NECAP2: variants seen among roughly 807,000 people sequenced by gnomAD.
NECAP2 encodes the protein NECAP endocytosis associated 2.
NECAP2 carries 38 observed loss-of-function variants against 37.8 expected under a neutral mutation model. That is an observed-to-expected ratio of 1.01 (90% CI 0.78 to 1.32). NECAP2 has a LOEUF of 1.32. Among genes scored for constraint, NECAP2 ranks in the 40% most tolerant of loss-of-function variants. The pLI, the probability that NECAP2 is intolerant of heterozygous loss-of-function variation, is 0.00. For missense variants in NECAP2, 316 were observed against 334.5 expected, an observed-to-expected ratio of 0.94 and a Z score of 0.43; for synonymous variants, 121 against 127.7, an observed-to-expected ratio of 0.95 and a Z score of 0.35.
chr1:16,456,840 T>TACAGGTGCAC lies in NECAP2; in HGVS notation c.743+949_743+958dup, dbSNP rs570653281. Among the ~76,000 whole-genome samples, 217 of 152,320 alleles carry TACAGGTGCAC rather than the reference T, an allele frequency of 1.4e-3. 7 individuals carry two copies. In the East Asian group the frequency reaches 0.038, roughly 27 times the overall value. Reference sequence around the variant, plus strand: ...CCACATTCTCCCATGTTGCTGGCTCTACAGGTGCACATCACCATGCCAGCT... The same window carrying TACAGGTGCAC: ...CCACATTCTCCCATGTTGCTGGCTCTACAGGTGCACACAGGTGCACATCACCATGCCAGCT... On this transcript the variant is annotated intron_variant, in intron 7 of 7. Coordinates refer to ENST00000337132, the MANE Select transcript of NECAP2 (RefSeq NM_018090.5).
chr1:16,453,787 T>C (rs912395677), intron 6 of NECAP2, among the ~76,000 whole-genome samples: 3 of 151,978 alleles, frequency 2.0e-5, no homozygotes, highest in African/African-American at 7.2e-5. Context: ...GTGCCTGGCC[T>C]TGCTGATGCA....
intron 7 of NECAP2, among the ~76,000 whole-genome samples, chr1:16,456,861 C>A (rs1023301410): frequency 5.3e-5 from 8 of 151,984 alleles, no homozygotes; most frequent in Non-Finnish European, 1.2e-4. Context: ...ATCACCATGC[C>A]AGCTATTTTT....
At position 16,456,018 on chromosome 1, in the gene NECAP2, T is replaced by A. The variant is rs2086912429; in HGVS notation, c.743+125T>A. The A allele has an allele frequency of 5.9e-6, 4 of 676,410 alleles. No individual in the cohort carries two copies. In the Admixed American group the frequency reaches 1.2e-4, roughly 20 times the overall value. The allele number at this position is 676,410 out of a possible 1,614,324, so 41.9% of individuals were successfully genotyped here. A position where few individuals can be genotyped will look rare whatever the true frequency, so the allele number is the denominator to read the frequency against. ...AGTAACAGTTTTAATTTGGATGTTT[T>A]CTTTTCTTTTTTTTTTTTTTTTGAG... is the stretch of plus-strand genomic sequence containing the variant. On this transcript the variant is annotated intron_variant, in intron 7 of 7. Coordinates refer to ENST00000337132, the MANE Select transcript of NECAP2 (RefSeq NM_018090.5).
intron 2 of NECAP2, 33 bp downstream of exon 2, chr1:16,443,765 G>A (rs773965840): frequency 6.5e-7 from 1 of 1,532,894 alleles, no homozygotes; most frequent in East Asian, 2.3e-5. Flanking sequence ...CAAGCTGAGG[G>A]GCCGCACCCC....
chr1:16,444,878 A>C (rs541807014), intron 2 of NECAP2, among the ~76,000 whole-genome samples: 1 of 152,194 alleles, frequency 6.6e-6, no homozygotes, highest in Non-Finnish European at 1.5e-5. Context: ...GCTGGAGTGC[A>C]GTGGCACGAT....
chr1:16,459,096 A>G lies in NECAP2; in HGVS notation c.*206A>G, dbSNP rs568760752. The G allele has an allele frequency of 8.4e-5, 100 of 1,193,398 alleles. No homozygotes were observed. In the African/African-American group the frequency reaches 1.4e-3, roughly 17 times the overall value. The allele number at this position is 1,193,398 out of a possible 1,614,324, so 73.9% of individuals were successfully genotyped here. A position where few individuals can be genotyped will look rare whatever the true frequency, so the allele number is the denominator to read the frequency against. On this transcript the variant is annotated 3_prime_UTR_variant, in exon 8 of 8. Transcript: ENST00000337132. ...CTGTTTCCTGGGATTCAAGTATGCA[A>G]CCAGAACACAGGAGAAGAAAAGCTC... is the stretch of plus-strand genomic sequence containing the variant.
chr1:16,458,594 AAAAAC>A (rs139320220), intron 7 of NECAP2, among the ~76,000 whole-genome samples: 6,014 of 151,966 alleles, frequency 0.04, 137 homozygotes, highest in East Asian at 0.056. Flanking sequence ...GTCTCAAAAA[AAAAAC>A]AAAACAAAAA....
At position 16,458,862 on chromosome 1, in the gene NECAP2, A is replaced by C; in HGVS notation, c.764A>C (p.Gln255Pro). ...TACAGATCAACTTCCAGCCAGACCC[A>C]GCCAGGCACAGGCTGGGTCCAGTTC... ...KSTGSTSSQT[Q>P]PGTGWVQF is the part of the protein sequence containing the mutation. The change falls in exon 8 of 8, where the codon CAG becomes CCG. Residue 255 changes from glutamine to proline, a missense_variant. By Grantham distance (76) the Gln-to-Pro change is moderately conservative (BLOSUM62 -1). Coordinates refer to ENST00000337132, the MANE Select transcript of NECAP2 (RefSeq NM_018090.5). The C allele has an allele frequency of 6.2e-7, 1 of 1,613,700 alleles. No homozygotes were observed.
chr1:16,450,081 C>T (rs1400425696), intron 5 of NECAP2: 1 of 409,536 alleles, frequency 2.4e-6, no homozygotes. Flanking sequence ...TACTCTTTCT[C>T]CTCTTTTCTG....
At chr1:16,457,233 A>C (rs1242879085) in intron 7 of NECAP2, among the ~76,000 whole-genome samples, 1 of 152,146 alleles carries the variant, frequency 6.6e-6, no homozygotes, top group Admixed American at 6.5e-5. Flanking sequence ...AGGCAGGCGG[A>C]TCACCTGAGG....
chr1:16,443,733 G>T lies in NECAP2; in HGVS notation c.193+1G>T. 1 of 1,609,994 alleles carries T rather than the reference G, an allele frequency of 6.2e-7. No individual in the cohort carries two copies. The highest frequency in any genetic ancestry group is 8.5e-7 in the Non-Finnish European group (1 of 1,177,844). ...ATCAAGCTGGAGGACAGGACGTCAG[G>T]TAACCGGAAGGGAGGCTGCATCAAG... On this transcript the variant is annotated splice_donor_variant, in intron 2 of 7. Transcript: ENST00000337132. LOFTEE classifies it high-confidence loss of function.
At chr1:16,454,851 T>C (rs1374932655) in intron 6 of NECAP2, among the ~76,000 whole-genome samples, 2 of 152,252 alleles carry the variant, frequency 1.3e-5, no homozygotes, top group South Asian at 2.1e-4. Flanking sequence ...AATATCGTTA[T>C]TGCCACTATA....
chr1:16,445,579 T>C (rs1216608584), intron 2 of NECAP2, among the ~76,000 whole-genome samples: 1 of 152,200 alleles, frequency 6.6e-6, no homozygotes, highest in Non-Finnish European at 1.5e-5. Flanking sequence ...TCTAGGGCTG[T>C]TGGTTTTGAA....
intron 6 of NECAP2, among the ~76,000 whole-genome samples, chr1:16,453,767 A>G (rs2086880026): frequency 6.6e-6 from 1 of 152,120 alleles, no homozygotes; most frequent in Admixed American, 6.5e-5. Context: ...GATTACAGGC[A>G]TGAGCCACCG....
chr1:16,451,677 C>A, intron 5 of NECAP2, 161 bp from the exon 6 acceptor site: 2 of 680,588 alleles, frequency 2.9e-6, no homozygotes, highest in Non-Finnish European at 2.6e-6. Flanking sequence ...AATGATGATG[C>A]ACTAAGTATA....
chr1:16,444,381 G>T (rs2086731734), intron 2 of NECAP2, among the ~76,000 whole-genome samples: 1 of 152,132 alleles, frequency 6.6e-6, no homozygotes. Context: ...ACAACATTCG[G>T]TCATTTATTT....
chr1:16,456,725 C>A (rs910608297), intron 7 of NECAP2, among the ~76,000 whole-genome samples: 2 of 152,160 alleles, frequency 1.3e-5, no homozygotes, highest in African/African-American at 4.8e-5. Flanking sequence ...GGGGTCAGCA[C>A]ACATTTTCTT....
At chr1:16,444,448 G>C (rs1390399096) in intron 2 of NECAP2, among the ~76,000 whole-genome samples, 1 of 152,216 alleles carries the variant, frequency 6.6e-6, no homozygotes, top group Non-Finnish European at 1.5e-5. Context: ...CAAAAGTTTA[G>C]AGAGAGAACT....
rs942687162 is a variant in NECAP2 at position 16,449,201 on chromosome 1, A to T, written c.489A>T (p.Ala163=). 1 of 1,604,986 alleles carries T rather than the reference A, an allele frequency of 6.2e-7. No homozygotes were observed. The highest frequency in any genetic ancestry group is 1.1e-5 in the South Asian group (1 of 89,826). ...KEGQTIKLNI[A]NMKKKEGAAG... ...GCCAGACCATCAAGCTCAACATCGC[A>T]GTGAGTTCTACCCTTGCTTGGCTGT... is the stretch of plus-strand genomic sequence containing the variant. The change falls in exon 5 of 8, where the codon GCA becomes GCT. Residue 163 remains alanine, a splice_region_variant and synonymous_variant. Coordinates refer to ENST00000337132, the MANE Select transcript of NECAP2 (RefSeq NM_018090.5).
Sources: gnomAD v4.1 joint callset for allele counts (sites outside exome capture counted in the v4.1 genomes callset) on GRCh38, gnomAD v4.1.1 for gene constraint, MANE v1.5 for transcripts, NCBI Gene and HGNC (gene_info 2026-07-23, HGNC 2026-07-21) for gene names.